Variants in CRIM1 observed in about 807,000 individuals in gnomAD.
The protein encoded by CRIM1 is cysteine-rich motor neuron 1 protein.
A neutral mutation model predicts 116.4 loss-of-function variants in CRIM1; 32 were observed. That is an observed-to-expected ratio of 0.27 (90% CI 0.21 to 0.37). The LOEUF (loss-of-function observed/expected upper bound fraction) is 0.37, where lower values mean the gene tolerates loss of function less well. Among genes scored for constraint, CRIM1 ranks in the 10% least tolerant of loss-of-function variants. CRIM1 has a pLI of 1.00. For missense variants in CRIM1, 1,331 were observed against 1,354.8 expected (o/e 0.98, Z 0.28); for synonymous variants, 590 against 509.2 (o/e 1.16, Z -2.13).
intron 1 of CRIM1, among the ~76,000 whole-genome samples, chr2:36,365,104 CA>C (rs1669501281): frequency 6.6e-6 from 1 of 152,076 alleles, no homozygotes; most frequent in Non-Finnish European, 1.5e-5. Context: ...GTACCGAGAA[CA>C]GGGGGCTGGG....
intron 2 of CRIM1, among the ~76,000 whole-genome samples, chr2:36,419,823 C>G (rs1411798775): frequency 6.6e-6 from 1 of 152,182 alleles, no homozygotes; most frequent in Non-Finnish European, 1.5e-5. Context: ...ATCTGAAATA[C>G]CTGGGATGTG....
intron 2 of CRIM1, among the ~76,000 whole-genome samples, chr2:36,399,874 A>G (rs1672290967): frequency 6.6e-6 from 1 of 152,238 alleles, no homozygotes; most frequent in South Asian, 2.1e-4. Flanking sequence ...ATGTAAACAG[A>G]CATCTTTAAA....
chr2:36,500,147 C>T (rs1680884108), intron 8 of CRIM1, among the ~76,000 whole-genome samples: 1 of 151,938 alleles, frequency 6.6e-6, no homozygotes, highest in Admixed American at 6.6e-5. Flanking sequence ...GACGACATGG[C>T]GAGATCCCAG....
intron 1 of CRIM1, among the ~76,000 whole-genome samples, chr2:36,384,214 C>G (rs1670998604): frequency 6.6e-6 from 1 of 152,160 alleles, no homozygotes; most frequent in Non-Finnish European, 1.5e-5. Context: ...TAGGATGTTC[C>G]AGACAGAGGG....
intron 2 of CRIM1, among the ~76,000 whole-genome samples, chr2:36,424,436 T>C (rs1273754811): frequency 1.3e-5 from 2 of 152,120 alleles, no homozygotes; most frequent in Non-Finnish European, 2.9e-5. Flanking sequence ...GTGGTAGCAG[T>C]CTGGCCAGAT....
chr2:36,387,439 C>G (rs923596079), intron 1 of CRIM1, among the ~76,000 whole-genome samples: 4 of 152,172 alleles, frequency 2.6e-5, no homozygotes, highest in African/African-American at 9.7e-5. Flanking sequence ...AGTTCAGAGA[C>G]AGCTGCGTTG....
intron 4 of CRIM1, 81 bp from the exon 5 acceptor site, chr2:36,464,453 A>T: frequency 6.6e-7 from 1 of 1,509,356 alleles, no homozygotes; most frequent in Non-Finnish European, 9.2e-7. Flanking sequence ...TGCCACAGCC[A>T]CTGCCACTTT....
chr2:36,392,693 T>A (rs892236904), intron 1 of CRIM1, among the ~76,000 whole-genome samples: 10 of 152,236 alleles, frequency 6.6e-5, no homozygotes, highest in Non-Finnish European at 1.5e-4. Flanking sequence ...TGTTCTGTAA[T>A]TGAATACCAG....
At chr2:36,430,798 G>A (rs1045152773) in intron 2 of CRIM1, among the ~76,000 whole-genome samples, 8 of 152,114 alleles carry the variant, frequency 5.3e-5, no homozygotes, top group African/African-American at 1.2e-4. Context: ...TTATGGTATG[G>A]GTCTAAACAC....
intron 15 of CRIM1, 146 bp downstream of exon 15, chr2:36,544,644 C>A: frequency 1.2e-6 from 1 of 836,820 alleles, no homozygotes; most frequent in Non-Finnish European, 1.6e-6. Context: ...ACCTGCTTGG[C>A]TGAAACATAT....
At chr2:36,368,569 C>G (rs1348332645) in intron 1 of CRIM1, among the ~76,000 whole-genome samples, 1 of 152,180 alleles carries the variant, frequency 6.6e-6, no homozygotes, top group East Asian at 1.9e-4. Context: ...GCTTGTTTGC[C>G]TTGTGGTTAT....
intron 13 of CRIM1, chr2:36,529,096 G>A (rs1023617534): frequency 4.2e-6 from 2 of 470,936 alleles, no homozygotes; most frequent in Non-Finnish European, 8.8e-6. Flanking sequence ...TTAGGCTGCT[G>A]CACTGCTATT....
intron 4 of CRIM1, among the ~76,000 whole-genome samples, chr2:36,453,149 C>A (rs1027968624): frequency 2.6e-5 from 4 of 152,286 alleles, no homozygotes; most frequent in African/African-American, 9.6e-5. Context: ...TTATTGGGTT[C>A]CCCATCATTG....
chr2:36,408,316 C>T (rs766308931), intron 2 of CRIM1, among the ~76,000 whole-genome samples: 34 of 152,158 alleles, frequency 2.2e-4, no homozygotes, highest in Non-Finnish European at 4.1e-4. Context: ...AGCACTCCTG[C>T]GCGTGTTTGT....
chr2:36,395,994 A>G (rs1318837968), intron 1 of CRIM1, among the ~76,000 whole-genome samples: 2 of 152,010 alleles, frequency 1.3e-5, no homozygotes, highest in Admixed American at 6.6e-5. Flanking sequence ...GGCGTGATCA[A>G]CCTCGTGGGC....
chr2:36,364,591 T>C (rs1039140676), intron 1 of CRIM1, among the ~76,000 whole-genome samples: 2 of 152,134 alleles, frequency 1.3e-5, no homozygotes, highest in Non-Finnish European at 2.9e-5. Context: ...CCTCCCTCCT[T>C]TTTTCCTGCA....
chr2:36,531,600 A>C lies in CRIM1; in HGVS notation c.2429-5752A>C, dbSNP rs550218590. Among the ~76,000 whole-genome samples the C allele has an allele frequency of 6.6e-5, 10 of 152,332 alleles. No homozygotes were observed. In the East Asian group the frequency reaches 1.9e-3, roughly 29 times the overall value. ...TAAAATAGCTCAGGAGTAAAAACAA[A>C]GTCCAGCCTTAACAGCCTGTTAAGT... On this transcript the variant is annotated intron_variant, in intron 13 of 16. Coordinates refer to ENST00000280527, the MANE Select transcript of CRIM1 (RefSeq NM_016441.3).
intron 1 of CRIM1, among the ~76,000 whole-genome samples, chr2:36,384,450 G>T (rs1214442886): frequency 6.6e-6 from 1 of 152,206 alleles, no homozygotes; most frequent in Non-Finnish European, 1.5e-5. Context: ...CAGTGAGTTG[G>T]AGCTGAGTGT....
At chr2:36,534,523 AAGGGAGGGAGAGGAAGGAAGGGAGAG>A (rs1193856453) in intron 13 of CRIM1, among the ~76,000 whole-genome samples, 1 of 122,522 alleles carries the variant, frequency 8.2e-6, no homozygotes, top group Non-Finnish European at 1.7e-5. Context: ...AGGGATAGGG[AAGGGAGGGAGAGGAAGGAAGGGAGAG>A]AGGGAGGGAC....
Sources: gnomAD v4.1 joint callset for allele counts (sites outside exome capture counted in the v4.1 genomes callset) on GRCh38, gnomAD v4.1.1 for gene constraint, MANE v1.5 for transcripts, NCBI Gene and HGNC (gene_info 2026-07-23, HGNC 2026-07-21) for gene names.